ANKRD11: variants seen among roughly 807,000 people sequenced by gnomAD.
ANKRD11 encodes the protein ankyrin repeat domain 11, also known as ankyrin repeat domain-containing protein 11.
A neutral mutation model predicts 195.7 loss-of-function variants in ANKRD11; 17 were observed. The ratio of observed to expected loss-of-function variants is 0.09; its 90% CI spans 0.06 to 0.13. The LOEUF (loss-of-function observed/expected upper bound fraction) is 0.13. Among genes scored for constraint, ANKRD11 ranks in the 10% least tolerant of loss-of-function variants. The pLI is 1.00. For missense variants in ANKRD11, 3,735 were observed against 3,566.1 expected (o/e 1.05, Z -1.21); for synonymous variants, 1,953 against 1,528.1 (o/e 1.28, Z -6.49).
chr16:89,372,490 C>T (rs1200090112), intron 2 of ANKRD11, among the ~76,000 whole-genome samples: 1 of 152,106 alleles, frequency 6.6e-6, no homozygotes, highest in East Asian at 1.9e-4. Context: ...AGAGCGAAGG[C>T]CAAGGCTTGG....
At chr16:89,387,177 C>T (rs1403530825) in intron 2 of ANKRD11, among the ~76,000 whole-genome samples, 3 of 151,676 alleles carry the variant, frequency 2.0e-5, no homozygotes, top group Admixed American at 6.6e-5. Context: ...AGAAGGCCCA[C>T]TAAGGACACT....
intron 2 of ANKRD11, among the ~76,000 whole-genome samples, chr16:89,401,915 C>CCGCCGGGCACACCAGAGACTCCCCCA (rs2041707248): frequency 6.6e-6 from 1 of 151,980 alleles, no homozygotes. Context: ...CCCCCAGAAC[C>CCGCCGGGCACACCAGAGACTCCCCCA]TGGAGAGAGG....
intron 4 of ANKRD11, among the ~76,000 whole-genome samples, chr16:89,296,657 GA>G (rs1160669549): frequency 1.3e-5 from 2 of 152,230 alleles, no homozygotes; most frequent in African/African-American, 4.8e-5. Context: ...CCCTGGGGCT[GA>G]CCCCTGCTGA....
intron 2 of ANKRD11, among the ~76,000 whole-genome samples, chr16:89,340,204 TGTCACACTGTATA>T (rs1376025131): frequency 1.3e-5 from 2 of 152,264 alleles, no homozygotes; most frequent in Admixed American, 6.5e-5. Flanking sequence ...TCTGATGAAA[TGTCACACTGTATA>T]GTCATTCACA....
rs1209672608 is a variant in ANKRD11 at position 89,280,282 on chromosome 16, G to A, written c.6260C>T (p.Ala2087Val). ...CAGAGCCTCCACCTGAGCCACAGCG[G>A]CTACACAGGCGGGCTCGGGGGCCAC... ...LDVAPEPACV[A>V]AVAQVEALGP... The change falls in exon 9 of 13, where the codon GCC becomes GTC. Residue 2087 changes from alanine to valine, a missense_variant. Ala to Val is a moderately conservative substitution (Grantham distance 64, BLOSUM62 0). Transcript: ENST00000301030. 7 of 1,607,162 alleles carry A rather than the reference G, an allele frequency of 4.4e-6. No individual in the cohort carries two copies. The highest frequency in any genetic ancestry group is 2.2e-5 in the East Asian group (1 of 44,768).
intron 2 of ANKRD11, among the ~76,000 whole-genome samples, chr16:89,394,038 G>A (rs2041318521): frequency 6.6e-6 from 1 of 152,138 alleles, no homozygotes; most frequent in African/African-American, 2.4e-5. Context: ...GCAACACAGC[G>A]GTGCCTGCAG....
chr16:89,486,577 A>C (rs1344137359), intron 1 of ANKRD11, among the ~76,000 whole-genome samples: 2 of 152,228 alleles, frequency 1.3e-5, no homozygotes, highest in African/African-American at 4.8e-5. Context: ...GCCATGCCAC[A>C]AACTATGGCA....
chr16:89,441,512 A>G (rs866060113), intron 1 of ANKRD11, among the ~76,000 whole-genome samples: 2 of 152,262 alleles, frequency 1.3e-5, no homozygotes, highest in Admixed American at 6.5e-5. Flanking sequence ...TCACGCCTGT[A>G]ATCCCAGCAC....
At chr16:89,270,493 G>T in intron 12 of ANKRD11, 1 of 418,170 alleles carries the variant, frequency 2.4e-6, no homozygotes, top group Non-Finnish European at 4.5e-6. Flanking sequence ...GAGCAGTGGA[G>T]GGTGAATGCT....
At chr16:89,485,329 A>G (rs987994631) in intron 1 of ANKRD11, among the ~76,000 whole-genome samples, 213 of 151,878 alleles carry the variant, frequency 1.4e-3, no homozygotes, top group Non-Finnish European at 2.2e-3. Flanking sequence ...ACTTTAAAAA[A>G]AAAAAAAAAA....
intron 4 of ANKRD11, among the ~76,000 whole-genome samples, chr16:89,297,016 C>G (rs576294841): frequency 1.3e-5 from 2 of 152,240 alleles, no homozygotes; most frequent in East Asian, 3.9e-4. Flanking sequence ...AGGGGACAAG[C>G]TTTCCGTGGG....
intron 4 of ANKRD11, chr16:89,301,074 C>G: frequency 1.8e-6 from 1 of 543,846 alleles, no homozygotes; most frequent in Non-Finnish European, 3.2e-6. Context: ...ACAGCAACCT[C>G]AAAAACATTC....
intron 2 of ANKRD11, among the ~76,000 whole-genome samples, chr16:89,410,566 T>C (rs1163396492): frequency 6.6e-6 from 1 of 152,192 alleles, no homozygotes; most frequent in Non-Finnish European, 1.5e-5. Context: ...CTCTGCTTAC[T>C]GCTCTGGTTC....
intron 11 of ANKRD11, among the ~76,000 whole-genome samples, chr16:89,274,172 A>C (rs961009283): frequency 4.6e-5 from 7 of 152,158 alleles, no homozygotes; most frequent in Non-Finnish European, 8.8e-5. Flanking sequence ...CCCCAGGGAG[A>C]GCCACGGGGC....
At chr16:89,313,243 G>C (rs1462374311) in intron 3 of ANKRD11, 1 of 1,241,078 alleles carries the variant, frequency 8.1e-7, no homozygotes, top group Admixed American at 2.4e-5. Flanking sequence ...GAGACAGGGT[G>C]ACTGTGCCAT....
chr16:89,354,349 A>G (rs2039371111), intron 2 of ANKRD11, among the ~76,000 whole-genome samples: 1 of 152,176 alleles, frequency 6.6e-6, no homozygotes, highest in African/African-American at 2.4e-5. Flanking sequence ...TGAAGTCTCA[A>G]AAATGATTTT....
At chr16:89,442,287 A>C (rs577709551) in intron 1 of ANKRD11, among the ~76,000 whole-genome samples, 1 of 152,316 alleles carries the variant, frequency 6.6e-6, no homozygotes, top group South Asian at 2.1e-4. Context: ...AGTATTCTAC[A>C]ATCTAACTCT....
intron 1 of ANKRD11, chr16:89,431,429 G>T (rs1204107526): frequency 1.3e-5 from 2 of 152,880 alleles, no homozygotes; most frequent in African/African-American, 2.4e-5. Context: ...TGCTCTCCAC[G>T]CATCGCCTCA....
chr16:89,269,633 T>TA, intron 12 of ANKRD11, among the ~76,000 whole-genome samples: 1 of 152,080 alleles, frequency 6.6e-6, no homozygotes, highest in Non-Finnish European at 1.5e-5. Context: ...GGTTTTTTTT[T>TA]AAATTTTGTC....
Sources: gnomAD v4.1 joint callset for allele counts (sites outside exome capture counted in the v4.1 genomes callset) on GRCh38, gnomAD v4.1.1 for gene constraint, MANE v1.5 for transcripts, NCBI Gene and HGNC (gene_info 2026-07-23, HGNC 2026-07-21) for gene names.